The following ATP6V0A1 variants were observed in gnomAD, a reference collection of about 807,000 sequenced individuals.
The protein encoded by ATP6V0A1 is V-type proton ATPase 116 kDa subunit a 1.
A neutral mutation model predicts 105.4 loss-of-function variants in ATP6V0A1; 43 were observed. That is an observed-to-expected ratio of 0.41 (90% CI 0.32 to 0.53). ATP6V0A1 has a LOEUF of 0.53. ATP6V0A1 is among the 20% of genes least tolerant of loss of function. The pLI is 0.30. For missense variants in ATP6V0A1, 676 were observed against 1,051.1 expected, an observed-to-expected ratio of 0.64 and a Z score of 4.93; for synonymous variants, 362 against 372.8, an observed-to-expected ratio of 0.97 and a Z score of 0.33.
At chr17:42,461,156 T>C (rs1384990257) in intron 2 of ATP6V0A1, 145 bp downstream of exon 2, 2 of 735,110 alleles carry the variant, frequency 2.7e-6, no homozygotes, top group African/African-American at 3.5e-5. Flanking sequence ...ACATTTTGAG[T>C]TGTCTTTCTA....
rs1567825833 is a variant in ATP6V0A1, at chr17:42,480,765, C to T, written c.716+16C>T. 2 of 1,610,814 alleles carry T rather than the reference C, an allele frequency of 1.2e-6. No individual in the cohort carries two copies. The highest frequency in any genetic ancestry group is 8.5e-7 in the Non-Finnish European group (1 of 1,178,188). ...TCTGTGAAGGGTAAGAGAGGCATGC[C>T]TCTACCAGGAGTGCACAGCCATGCT... On this transcript the variant is annotated intron_variant, in intron 8 of 21. Transcript: ENST00000343619.
At chr17:42,489,365 G>T (rs2090420552) in intron 10 of ATP6V0A1, among the ~76,000 whole-genome samples, 1 of 152,120 alleles carries the variant, frequency 6.6e-6, no homozygotes, top group Admixed American at 6.6e-5. Context: ...ACAGGCATGA[G>T]CCACTTCTCC....
rs752727287 is a variant in ATP6V0A1 at position 42,507,560 on chromosome 17, C to T, written c.2045C>T (p.Pro682Leu). 5.6e-6 allele frequency: 9 copies of T among 1,613,344 alleles called. No homozygotes were observed. In the Admixed American group the frequency reaches 8.3e-5, roughly 15 times the overall value. Reference sequence around the variant, plus strand: ...GGTGGGATCAGGGTGGGCAACGGACCGACAGAGGAGGATGCTGAGATTATT... The same window carrying T: ...GGTGGGATCAGGGTGGGCAACGGACTGACAGAGGAGGATGCTGAGATTATT... Reference protein sequence around the residue: ...NFGGIRVGNGPTEEDAEIIQH... With the variant: ...NFGGIRVGNGLTEEDAEIIQH... The change falls in exon 18 of 22, where the codon CCG becomes CTG. Residue 682 changes from proline to leucine, a missense_variant. Transcript: ENST00000343619.
rs1453512291 is a variant in ATP6V0A1 at position 42,514,338 on chromosome 17, G to A, written c.2298G>A (p.Val766=). The stretch of plus-strand genomic sequence containing the variant: ...TGGTGATCCACATCGGCCTGAGCGT[G>A]AAGAGCTTGGCGGGAGGTTTGGTGC... ...WTMVIHIGLS[V]KSLAGGLVLF... Residue 766 remains valine, a synonymous_variant, in exon 21 of 22, where the codon GTG becomes GTA. Coordinates refer to ENST00000343619, the MANE Select transcript of ATP6V0A1 (RefSeq NM_001130021.3). The A allele has an allele frequency of 6.8e-6, 11 of 1,613,184 alleles. No individual in the cohort carries two copies. Among genetic ancestry groups the A allele is most frequent in the Admixed American group, 3.3e-5 (2 of 59,884 alleles).
At chr17:42,482,789 T>C (rs899373680) in intron 8 of ATP6V0A1, among the ~76,000 whole-genome samples, 1 of 149,934 alleles carries the variant, frequency 6.7e-6, no homozygotes, top group African/African-American at 2.5e-5. Context: ...CCCAGGTACT[T>C]GGAAGGCTGA....
At chr17:42,481,935 G>T (rs1283462777) in intron 8 of ATP6V0A1, among the ~76,000 whole-genome samples, 1 of 152,114 alleles carries the variant, frequency 6.6e-6, no homozygotes, top group Non-Finnish European at 1.5e-5. Flanking sequence ...TTCACCTCCA[G>T]GGTTCCAGCG....
At chr17:42,466,657 C>A in intron 3 of ATP6V0A1, 150 bp downstream of exon 3, 1 of 651,422 alleles carries the variant, frequency 1.5e-6, no homozygotes, top group Non-Finnish European at 2.6e-6. Context: ...TTCTCGTATA[C>A]GAGTAGATTT....
intron 15 of ATP6V0A1, among the ~76,000 whole-genome samples, chr17:42,500,333 A>T (rs1177738118): frequency 1.3e-5 from 2 of 152,132 alleles, no homozygotes; most frequent in African/African-American, 2.4e-5. Flanking sequence ...TGTAAAAATT[A>T]GCTGGGTGTG....
rs1567881753 is a variant in ATP6V0A1 at position 42,521,135 on chromosome 17, CG to C, written c.*16del. 4 of 1,590,150 alleles carry C rather than the reference CG, an allele frequency of 2.5e-6. No individual in the cohort carries two copies. Among genetic ancestry groups the C allele is most frequent in the Non-Finnish European group, 3.4e-6 (4 of 1,166,054 alleles). ...TTGAAGAGTGAGTCCCTGTGAGGGC[CG>C]TGTGCCCCATGCTACCCTCCCCGCC... On this transcript the variant is annotated 3_prime_UTR_variant, in exon 22 of 22. Coordinates refer to ENST00000343619, the MANE Select transcript of ATP6V0A1 (RefSeq NM_001130021.3). This position sits in a 1 kb window ranked among gnomAD's most constrained non-coding sequence, Gnocchi z 4.8.
chr17:42,466,427 AG>A lies in ATP6V0A1; in HGVS notation c.118-1del. 1 of 1,605,804 alleles carries A rather than the reference AG, an allele frequency of 6.2e-7. No homozygotes were observed. Among genetic ancestry groups the A allele is most frequent in the Non-Finnish European group, 8.5e-7 (1 of 1,172,632 alleles). On this transcript the variant is annotated splice_acceptor_variant, in intron 2 of 21. Transcript: ENST00000343619. LOFTEE classifies it high-confidence loss of function. ...GTTTGGTATTGTGTTTTTATTTTTC[AG>A]TTAAATCCAGATGTGAATGTTTTCC...
At chr17:42,505,996 CAGGCT>C (rs2092000464) in intron 17 of ATP6V0A1, among the ~76,000 whole-genome samples, 1 of 152,066 alleles carries the variant, frequency 6.6e-6, no homozygotes, top group African/African-American at 2.4e-5. Context: ...CCATGTTGGC[CAGGCT>C]GATCACGAAC....
intron 5 of ATP6V0A1, 176 bp downstream of exon 5, chr17:42,470,394 C>A: frequency 1.4e-6 from 1 of 715,692 alleles, no homozygotes; most frequent in Non-Finnish European, 2.2e-6. Context: ...CAGTACACAA[C>A]CAGCCATGGT....
chr17:42,489,266 A>T (rs1272353454), intron 10 of ATP6V0A1, among the ~76,000 whole-genome samples: 1 of 151,836 alleles, frequency 6.6e-6, no homozygotes, highest in East Asian at 2.0e-4. Context: ...TTTTTAGTGG[A>T]GACGGGGTTT....
At chr17:42,507,713 C>G (rs1400000652) in intron 18 of ATP6V0A1, 86 bp downstream of exon 18, 1 of 1,110,164 alleles carries the variant, frequency 9.0e-7, no homozygotes, top group African/African-American at 1.5e-5. Context: ...CTCCAGTCTT[C>G]TCCTTGAAAA....
intron 2 of ATP6V0A1, 40 bp from the exon 3 acceptor site, chr17:42,466,389 A>T (rs1408570234): frequency 1.3e-6 from 2 of 1,512,420 alleles, no homozygotes; most frequent in African/African-American, 2.7e-5. Flanking sequence ...AGAAATAGAT[A>T]CAATATTTCA....
intron 8 of ATP6V0A1, 23 bp downstream of exon 8, chr17:42,480,772 A>G: frequency 1.9e-6 from 3 of 1,605,226 alleles, no homozygotes; most frequent in Non-Finnish European, 2.6e-6. Flanking sequence ...TGCCTCTACC[A>G]GGAGTGCACA....
intron 8 of ATP6V0A1, 98 bp downstream of exon 8, chr17:42,480,847 A>G (rs971559794): frequency 8.8e-6 from 9 of 1,020,440 alleles, no homozygotes; most frequent in African/African-American, 6.6e-5. Context: ...TTTTTAGTCT[A>G]CCTCAACACA....
chr17:42,461,998 G>C (rs1414997371), intron 2 of ATP6V0A1, among the ~76,000 whole-genome samples: 2 of 150,072 alleles, frequency 1.3e-5, no homozygotes, highest in African/African-American at 2.5e-5. Flanking sequence ...CTTGAGCCCA[G>C]GAGTTGGAGA....
At chr17:42,491,604 C>G (rs1324301768) in intron 11 of ATP6V0A1, among the ~76,000 whole-genome samples, 1 of 152,224 alleles carries the variant, frequency 6.6e-6, no homozygotes, top group Admixed American at 6.5e-5. Context: ...CTGCCTCAGC[C>G]TCCCGAGTAG....
Sources: allele counts gnomAD v4.1 joint callset (sites outside exome capture counted in the v4.1 genomes callset), GRCh38; gene constraint gnomAD v4.1.1; non-coding constraint Gnocchi (gnomAD v3.1); transcripts MANE v1.5; gene names NCBI Gene and HGNC (gene_info 2026-07-23, HGNC 2026-07-21).